Variants in DLG2 observed in about 807,000 individuals in gnomAD.
The protein encoded by DLG2 is discs large MAGUK scaffold protein 2.
In DLG2, 45 loss-of-function variants were observed where a neutral mutation model predicts 132.5. That is an observed-to-expected ratio of 0.34 (90% CI 0.27 to 0.44). The LOEUF is 0.44. Among genes scored for constraint, DLG2 ranks in the 20% least tolerant of loss-of-function variants. The pLI, the probability that DLG2 is intolerant of heterozygous loss-of-function variation, is 1.00. For synonymous variants in DLG2, 424 were observed against 419.6 expected (o/e 1.01, Z -0.13); for missense variants, 1,045 against 1,196.9 (o/e 0.87, Z 1.87).
At chr11:83,494,254 G>A (rs2094027119) in intron 21 of DLG2, among the ~76,000 whole-genome samples, 1 of 151,424 alleles carries the variant, frequency 6.6e-6, no homozygotes, top group Non-Finnish European at 1.5e-5. Flanking sequence ...AAAATGAATT[G>A]TACTGATAAT....
At chr11:84,676,916 G>A (rs1377912824) in intron 6 of DLG2, among the ~76,000 whole-genome samples, 2 of 152,026 alleles carry the variant, frequency 1.3e-5, no homozygotes, top group South Asian at 2.1e-4. Flanking sequence ...TGGAACAAGT[G>A]AGAAAAGCCT....
At chr11:84,860,540 C>T (rs1425600209) in intron 6 of DLG2, among the ~76,000 whole-genome samples, 2 of 151,938 alleles carry the variant, frequency 1.3e-5, no homozygotes, top group African/African-American at 2.4e-5. Context: ...AATTCCTTTC[C>T]ACCTCCTGTC....
chr11:85,026,476 GTTGGGAATATATA>G lies in DLG2; in HGVS notation c.357+85172_357+85184del, dbSNP rs781324958. 4.2e-4 allele frequency among the ~76,000 whole-genome samples: 64 copies of G among 152,088 alleles called. 1 individual carries two copies. The highest frequency in any genetic ancestry group is 7.2e-4 in the Non-Finnish European group (49 of 68,010). On this transcript the variant is annotated intron_variant, in intron 6 of 27. Coordinates refer to ENST00000376104, the MANE Select transcript of DLG2 (RefSeq NM_001142699.3). Reference sequence around the variant, plus strand: ...GAAATAACAACTTTCACAGAATTTTGTTGGGAATATATATTGTTAAAGCTTTATTGAAGGGCAA... The same window carrying G: ...GAAATAACAACTTTCACAGAATTTTGTTGTTAAAGCTTTATTGAAGGGCAA...
intron 7 of DLG2, among the ~76,000 whole-genome samples, chr11:84,452,195 C>G (rs546812142): frequency 1.3e-5 from 2 of 150,342 alleles, no homozygotes; most frequent in Admixed American, 6.7e-5. Flanking sequence ...AGGAGGAGGA[C>G]GACGATGAAG....
intron 7 of DLG2, among the ~76,000 whole-genome samples, chr11:84,452,924 G>A (rs993817000): frequency 5.3e-5 from 8 of 151,358 alleles, no homozygotes; most frequent in African/African-American, 9.7e-5. Flanking sequence ...CAAATGGATC[G>A]TATACTCAGA....
Position 83,840,851 on chromosome 11 carries a change from TG to T in DLG2, c.1566-7082del, listed in dbSNP as rs551924488. On this transcript the variant is annotated intron_variant, in intron 16 of 27. Transcript: ENST00000376104. ...CATGGTGCTCAGAATGGTACTTGAC[TG>T]ATGGTCATTTAATATTCCACATTTA... is the stretch of plus-strand genomic sequence containing the variant. Among the ~76,000 whole-genome samples the T allele has an allele frequency of 1.3e-3, 193 of 152,376 alleles. 2 individuals are homozygous for T. Among genetic ancestry groups the T allele is most frequent in the African/African-American group, 4.3e-3 (180 of 41,592 alleles).
At chr11:85,189,838 C>A (rs908014065) in intron 4 of DLG2, among the ~76,000 whole-genome samples, 2 of 152,060 alleles carry the variant, frequency 1.3e-5, no homozygotes, top group Admixed American at 6.6e-5. Flanking sequence ...CATTCTCACC[C>A]AGACTGGAGT....
intron 6 of DLG2, among the ~76,000 whole-genome samples, chr11:84,912,841 G>A (rs1309279844): frequency 6.6e-6 from 1 of 152,200 alleles, no homozygotes; most frequent in Non-Finnish European, 1.5e-5. Flanking sequence ...AAATTTTGAA[G>A]GCAGTGAGAA....
chr11:84,816,243 G>T (rs1422548236), intron 6 of DLG2, among the ~76,000 whole-genome samples: 1 of 151,992 alleles, frequency 6.6e-6, no homozygotes, highest in African/African-American at 2.4e-5. Flanking sequence ...CAGAGTAGGG[G>T]CTGCCTCCAG....
chr11:84,885,387 T>C (rs954663983), intron 6 of DLG2, among the ~76,000 whole-genome samples: 1 of 152,078 alleles, frequency 6.6e-6, no homozygotes, highest in African/African-American at 2.4e-5. Flanking sequence ...AAGGATAGAT[T>C]GCAGTGGCAT....
intron 6 of DLG2, among the ~76,000 whole-genome samples, chr11:85,099,214 GT>G (rs1298322025): frequency 6.6e-6 from 1 of 152,218 alleles, no homozygotes; most frequent in Non-Finnish European, 1.5e-5. Flanking sequence ...TGTATTGGTA[GT>G]AGGAAGCTGG....
chr11:84,703,870 A>ATATATATATATG (rs1555174845), intron 6 of DLG2, among the ~76,000 whole-genome samples: 1,754 of 122,728 alleles, frequency 0.014, 89 homozygotes, highest in African/African-American at 0.065. Context: ...ATATATATAT[A>ATATATATATATG]TATATATATA....
At chr11:85,545,053 T>A (rs1279971511) in intron 3 of DLG2, among the ~76,000 whole-genome samples, 1 of 152,228 alleles carries the variant, frequency 6.6e-6, no homozygotes, top group African/African-American at 2.4e-5. Context: ...AAAGAGGGCA[T>A]CCTTGTGTTG....
chr11:83,714,679 G>A (rs1054422973), intron 18 of DLG2, among the ~76,000 whole-genome samples: 6 of 152,166 alleles, frequency 3.9e-5, no homozygotes, highest in African/African-American at 1.2e-4. Flanking sequence ...ATCATTACAG[G>A]AGCCCTTTGA....
At chr11:85,461,325 G>C (rs557879973) in intron 3 of DLG2, among the ~76,000 whole-genome samples, 1 of 152,306 alleles carries the variant, frequency 6.6e-6, no homozygotes, top group East Asian at 1.9e-4. Flanking sequence ...AGAGAGAAAA[G>C]AATACAGTTG....
intron 6 of DLG2, among the ~76,000 whole-genome samples, chr11:85,058,519 CT>C (rs1360126337): frequency 6.6e-6 from 1 of 151,436 alleles, no homozygotes; most frequent in East Asian, 1.9e-4. Context: ...TAAAGGACAT[CT>C]GTGGAAATTG....
At chr11:83,772,758 C>T (rs2094449435) in intron 18 of DLG2, among the ~76,000 whole-genome samples, 1 of 152,148 alleles carries the variant, frequency 6.6e-6, no homozygotes, top group South Asian at 2.1e-4. Flanking sequence ...ATTACACATT[C>T]TCCTGTTAAG....
intron 6 of DLG2, among the ~76,000 whole-genome samples, chr11:84,841,128 A>G (rs1169955145): frequency 6.6e-6 from 1 of 151,932 alleles, no homozygotes; most frequent in Non-Finnish European, 1.5e-5. Context: ...ACATGACACC[A>G]TTTATGTAAA....
chr11:85,472,777 G>C (rs903869268), intron 3 of DLG2, among the ~76,000 whole-genome samples: 3 of 152,240 alleles, frequency 2.0e-5, no homozygotes, highest in African/African-American at 7.2e-5. Flanking sequence ...GCCACCCCAT[G>C]CAACAGGAAA....
Sources: gnomAD v4.1 joint callset for allele counts (sites outside exome capture counted in the v4.1 genomes callset) on GRCh38, gnomAD v4.1.1 for gene constraint, MANE v1.5 for transcripts, NCBI Gene and HGNC (gene_info 2026-07-23, HGNC 2026-07-21) for gene names.